Variants in NOL4 observed in about 807,000 individuals in gnomAD.
NOL4 encodes the protein nucleolar protein 4.
Under a neutral mutation model 75.9 loss-of-function variants are expected in NOL4, and 17 were observed. The observed-to-expected ratio is 0.22, with a 90% CI of 0.15 to 0.34. The LOEUF is 0.34. Among genes scored for constraint, NOL4 ranks in the 10% least tolerant of loss-of-function variants. The pLI is 1.00. For missense variants in NOL4, 614 were observed against 793.5 expected (o/e 0.77, Z 2.72); for synonymous variants, 292 against 289.9 (o/e 1.01, Z -0.07).
intron 5 of NOL4, among the ~76,000 whole-genome samples, chr18:34,036,604 C>T (rs1185977670): frequency 6.6e-6 from 1 of 152,098 alleles, no homozygotes; most frequent in East Asian, 1.9e-4. Flanking sequence ...GAAGTTCTAG[C>T]CAAGGCAATG....
At chr18:33,879,707 C>A (rs2064145201) in intron 10 of NOL4, among the ~76,000 whole-genome samples, 1 of 151,740 alleles carries the variant, frequency 6.6e-6, no homozygotes, top group Non-Finnish European at 1.5e-5. Flanking sequence ...GTTCCTATTA[C>A]TATTTATACT....
chr18:33,855,927 A>C (rs992017988), intron 10 of NOL4, among the ~76,000 whole-genome samples: 2 of 151,904 alleles, frequency 1.3e-5, no homozygotes, highest in Admixed American at 1.3e-4. Context: ...TTTTATGGTC[A>C]TATTTTAGTG....
chr18:33,895,282 A>T (rs764652049), intron 9 of NOL4, among the ~76,000 whole-genome samples: 1 of 152,138 alleles, frequency 6.6e-6, no homozygotes, highest in Non-Finnish European at 1.5e-5. Context: ...ATGCAAAGTC[A>T]TCTACTCTTA....
chr18:34,188,567 T>G (rs1362261862), intron 1 of NOL4, among the ~76,000 whole-genome samples: 1 of 152,212 alleles, frequency 6.6e-6, no homozygotes, highest in East Asian at 1.9e-4. Context: ...TGGGCAAAAT[T>G]GTCTGATACA....
intron 6 of NOL4, among the ~76,000 whole-genome samples, chr18:33,989,860 C>T (rs1453735962): frequency 6.6e-6 from 1 of 152,048 alleles, no homozygotes; most frequent in Non-Finnish European, 1.5e-5. Flanking sequence ...ATAGCACGTG[C>T]AATGTTCATT....
At chr18:33,996,997 T>C (rs1030177652) in intron 6 of NOL4, among the ~76,000 whole-genome samples, 2 of 152,062 alleles carry the variant, frequency 1.3e-5, no homozygotes, top group Non-Finnish European at 2.9e-5. Flanking sequence ...ATTCTGGATG[T>C]TGAACTTTTG....
intron 6 of NOL4, among the ~76,000 whole-genome samples, chr18:34,006,142 T>C (rs1014929373): frequency 1.3e-5 from 2 of 152,118 alleles, no homozygotes; most frequent in Admixed American, 6.6e-5. Flanking sequence ...CATACTTATA[T>C]AGAAACTGAT....
chr18:34,069,468 A>C (rs1420120956), intron 5 of NOL4, among the ~76,000 whole-genome samples: 1 of 152,218 alleles, frequency 6.6e-6, no homozygotes, highest in Non-Finnish European at 1.5e-5. Context: ...GAGAGAAAAT[A>C]AGACGGATAA....
chr18:33,989,877 CG>C (rs1191601127), intron 6 of NOL4, among the ~76,000 whole-genome samples: 2 of 152,044 alleles, frequency 1.3e-5, no homozygotes, highest in Non-Finnish European at 2.9e-5. Flanking sequence ...CATTAAACAA[CG>C]TATAACTCCT....
At chr18:34,052,031 G>A (rs560774072) in intron 5 of NOL4, among the ~76,000 whole-genome samples, 1 of 151,860 alleles carries the variant, frequency 6.6e-6, no homozygotes, top group East Asian at 1.9e-4. Flanking sequence ...CTTCACAGAG[G>A]GAGTAGTAAA....
rs1396741415 is a variant in NOL4, at chr18:34,024,189, A to AT, written c.773-4589_773-4588insA. On this transcript the variant is annotated intron_variant, in intron 5 of 10. Coordinates refer to ENST00000261592, the MANE Select transcript of NOL4 (RefSeq NM_003787.5). ...TTAGGCAAAATAAACAGGAAAAAAA[A>AT]AAAAAATATATATATATATATATAT... Among the ~76,000 whole-genome samples, 334 of 115,272 alleles carry AT rather than the reference A, an allele frequency of 2.9e-3. 8 individuals carry two copies. Among genetic ancestry groups the AT allele is most frequent in the East Asian group, 0.013 (60 of 4,680 alleles). The allele number at this position is 115,272 out of a possible 152,430, so 75.6% of individuals were successfully genotyped here. A position where few individuals can be genotyped will look rare whatever the true frequency, so the allele number is the denominator to read the frequency against.
chr18:33,932,401 A>G (rs1281500584), intron 9 of NOL4, among the ~76,000 whole-genome samples: 1 of 152,082 alleles, frequency 6.6e-6, no homozygotes, highest in Non-Finnish European at 1.5e-5. Context: ...GCATATACCT[A>G]TAAAATAAAC....
chr18:34,220,726 T>TA (rs1478523068), intron 1 of NOL4, among the ~76,000 whole-genome samples: 1 of 152,158 alleles, frequency 6.6e-6, no homozygotes, highest in East Asian at 1.9e-4. Flanking sequence ...GTTCATAAAT[T>TA]AAAAACCTCT....
At chr18:33,993,320 A>T (rs1481596491) in intron 6 of NOL4, among the ~76,000 whole-genome samples, 1 of 151,942 alleles carries the variant, frequency 6.6e-6, no homozygotes, top group Non-Finnish European at 1.5e-5. Context: ...TAACAAAACC[A>T]CTGTCATCCA....
intron 1 of NOL4, among the ~76,000 whole-genome samples, chr18:34,152,938 A>G (rs889697939): frequency 6.6e-6 from 1 of 151,862 alleles, no homozygotes; most frequent in Non-Finnish European, 1.5e-5. Context: ...TCCCCAAATC[A>G]CATTGTAATA....
intron 9 of NOL4, among the ~76,000 whole-genome samples, chr18:33,922,317 G>GCTTT (rs1568066803): frequency 6.6e-6 from 1 of 152,150 alleles, no homozygotes. Context: ...TCCTTCAGTT[G>GCTTT]CTTTCAGCCA....
At chr18:34,178,391 G>A (rs899147144) in intron 1 of NOL4, among the ~76,000 whole-genome samples, 2 of 151,582 alleles carry the variant, frequency 1.3e-5, no homozygotes, top group African/African-American at 4.8e-5. Context: ...AGGTTATTTT[G>A]TATCAGTAAT....
chr18:34,152,974 A>G (rs1184031692), intron 1 of NOL4, among the ~76,000 whole-genome samples: 1 of 151,906 alleles, frequency 6.6e-6, no homozygotes, highest in African/African-American at 2.4e-5. Flanking sequence ...TAAGTAATCA[A>G]TAGTCAGGAA....
chr18:34,020,511 C>T (rs2144464882), intron 5 of NOL4, among the ~76,000 whole-genome samples: 1 of 152,104 alleles, frequency 6.6e-6, no homozygotes, highest in East Asian at 1.9e-4. Context: ...AGTTTAATAC[C>T]TAAGAAGTTT....
Sources: allele counts gnomAD v4.1 joint callset (sites outside exome capture counted in the v4.1 genomes callset), GRCh38; gene constraint gnomAD v4.1.1; transcripts MANE v1.5; gene names NCBI Gene and HGNC (gene_info 2026-07-23, HGNC 2026-07-21).